Variants in OTUD7B observed in about 807,000 individuals in gnomAD.
The protein encoded by OTUD7B is OTU domain-containing protein 7B.
A neutral mutation model predicts 82.2 loss-of-function variants in OTUD7B; 34 were observed. The observed-to-expected ratio is 0.41, with a 90% confidence interval of 0.31 to 0.55. The LOEUF is 0.55. OTUD7B is among the 20% of genes least tolerant of loss of function. OTUD7B has a pLI of 0.20. For missense variants in OTUD7B, 944 were observed against 1,062.1 expected (o/e 0.89, Z 1.55); for synonymous variants, 398 against 402.7 (o/e 0.99, Z 0.14).
chr1:150,037,174 A>G, the OTUD7B span, among the ~76,000 whole-genome samples: 2 of 152,104 alleles, frequency 1.3e-5, no homozygotes, highest in African/African-American at 2.4e-5. Context: ...CTGAAGATCA[A>G]TTCCTAAGAA....
Position 149,962,114 on chromosome 1 carries a change from CA to C in OTUD7B, c.732+2107del, listed in dbSNP as rs1490810736. The stretch of plus-strand genomic sequence containing the variant: ...TTACTTCAATTAAAAATAAAGAGAG[CA>C]ATGCCCAGGTTCTATATGGAGTGCT... On this transcript the variant is annotated intron_variant, in intron 6 of 11. Coordinates refer to ENST00000581312, the MANE Select transcript of OTUD7B (RefSeq NM_020205.4). The C allele has an allele frequency of 2.6e-5, 4 of 152,256 alleles. No homozygotes were observed. The East Asian group carries it at 7.7e-4, about 29-fold the overall frequency. 9.4% of individuals were successfully genotyped at this position (152,256 alleles called of 1,614,324 possible).
At chr1:150,047,121 T>C in the OTUD7B span, among the ~76,000 whole-genome samples, 1 of 151,960 alleles carries the variant, frequency 6.6e-6, no homozygotes, top group African/African-American at 2.4e-5. Flanking sequence ...CACCAACTAT[T>C]CCCCATTTTC....
chr1:149,960,413 T>TTTTTG (rs1366020859), intron 6 of OTUD7B, among the ~76,000 whole-genome samples: 30,392 of 72,296 alleles, frequency 0.42, 10,411 homozygotes, highest in Non-Finnish European at 0.46. Context: ...TTTTTTTTTG[T>TTTTTG]AGACAGAGTC....
chr1:149,964,576 T>C (rs1553776140), intron 5 of OTUD7B, among the ~76,000 whole-genome samples: 1 of 151,820 alleles, frequency 6.6e-6, no homozygotes, highest in African/African-American at 2.4e-5. Context: ...TTTTTGTTTA[T>C]TTGGTTTTTT....
intron 10 of OTUD7B, among the ~76,000 whole-genome samples, chr1:149,948,342 A>G (rs138581754): frequency 1.7e-3 from 256 of 150,298 alleles, no homozygotes; most frequent in African/African-American, 5.9e-3. Context: ...TTGGGCTAAG[A>G]CATGTGATTT....
rs188326792 is a variant in OTUD7B, at chr1:149,942,395, G to C, written c.*1462C>G. Reference sequence around the variant, plus strand: ...AAGCTCTTAGAAATGGCTCTGGCCAGAGCATAGGCTGTTCAGACTTGTGCT... The same window carrying C: ...AAGCTCTTAGAAATGGCTCTGGCCACAGCATAGGCTGTTCAGACTTGTGCT... On this transcript the variant is annotated 3_prime_UTR_variant, in exon 12 of 12. Coordinates refer to ENST00000581312, the MANE Select transcript of OTUD7B (RefSeq NM_020205.4). The C allele has an allele frequency of 8.5e-5, 13 of 152,728 alleles. No individual in the cohort carries two copies. The highest frequency in any genetic ancestry group is 3.1e-4 in the African/African-American group (13 of 41,566). The allele number at this position is 152,728 out of a possible 1,614,324, so 9.5% of individuals were successfully genotyped here. A position where few individuals can be genotyped will look rare whatever the true frequency, so the allele number is the denominator to read the frequency against.
chr1:150,001,110 T>C (rs1652255222), intron 1 of OTUD7B, among the ~76,000 whole-genome samples: 1 of 152,158 alleles, frequency 6.6e-6, no homozygotes. Flanking sequence ...GAGGAAAGGA[T>C]GCAGGGTGGA....
At chr1:149,956,849 G>A (rs115484931) in intron 7 of OTUD7B, among the ~76,000 whole-genome samples, 2,309 of 146,016 alleles carry the variant, frequency 0.016, 48 homozygotes, top group African/African-American at 0.051. Context: ...TTGTGCACGC[G>A]TCACATAGTT....
At chr1:150,067,522 T>G in the OTUD7B span, 1 of 304,984 alleles carries the variant, frequency 3.3e-6, no homozygotes. Flanking sequence ...TCCACTCTCT[T>G]GGGCTTCAGG....
Position 149,964,208 on chromosome 1 carries a change from C to A in OTUD7B, c.732+14G>T. 6.2e-7 allele frequency: 1 copy of A among 1,610,116 alleles called. No homozygotes were observed. The highest frequency in any genetic ancestry group is 8.5e-7 in the Non-Finnish European group (1 of 1,179,924). The stretch of plus-strand genomic sequence containing the variant: ...ACTTTAGGAAACAAGGCGCTCCCAC[C>A]CACGCTCTCCCACCTCTTTATTCTG... On this transcript the variant is annotated intron_variant, in intron 6 of 11. Coordinates refer to ENST00000581312, the MANE Select transcript of OTUD7B (RefSeq NM_020205.4).
the OTUD7B span, among the ~76,000 whole-genome samples, chr1:150,021,289 A>G: frequency 1.3e-5 from 2 of 152,100 alleles, no homozygotes; most frequent in Admixed American, 1.3e-4. Context: ...GCGGTGAGGA[A>G]GAAGGTAGGC....
chr1:150,032,997 ATTATC>A, the OTUD7B span, among the ~76,000 whole-genome samples: 1 of 152,286 alleles, frequency 6.6e-6, no homozygotes, highest in African/African-American at 2.4e-5. Context: ...GTAACTGCAT[ATTATC>A]TTATTACATG....
At chr1:150,060,844 A>G in the OTUD7B span, among the ~76,000 whole-genome samples, 1 of 152,170 alleles carries the variant, frequency 6.6e-6, no homozygotes, top group East Asian at 1.9e-4. Flanking sequence ...GTGGCATCCC[A>G]CTTGCTCCCA....
rs782573242 is a variant in OTUD7B at position 149,944,236 on chromosome 1, C to A, written c.2153G>T (p.Gly718Val). ...TGGTGGTAGGCCCCCGACACATGGA[C>A]CCCCTGCCAACTGCCTCCGGGGTTC... ...CQEPRRQLAGGPCVGGLPPYA... is the reference protein window; with the variant it reads ...CQEPRRQLAGVPCVGGLPPYA... The change falls in exon 12 of 12, where the codon GGT becomes GTT. Residue 718 changes from glycine (G) to valine (V), a missense_variant. Physicochemically the swap from Gly to Val is moderately radical, Grantham distance 109. Coordinates refer to ENST00000581312, the MANE Select transcript of OTUD7B (RefSeq NM_020205.4). 6.2e-6 allele frequency: 10 copies of A among 1,612,366 alleles called. No individual in the cohort carries two copies. The African/African-American group carries it at 1.1e-4, about 17-fold the overall frequency.
intron 1 of OTUD7B, among the ~76,000 whole-genome samples, chr1:150,008,478 C>T (rs1373330503): frequency 6.6e-6 from 1 of 152,140 alleles, no homozygotes; most frequent in Non-Finnish European, 1.5e-5. Context: ...CACTAAAGGC[C>T]ACCTAATGAT....
Position 149,943,713 on chromosome 1 carries a change from G to T in OTUD7B, c.*144C>A. On this transcript the variant is annotated 3_prime_UTR_variant, in exon 12 of 12. Transcript: ENST00000581312. ...CTCTTGCCAGCCTGGCAGCACTCCT[G>T]TGTGCACACACTTAAAAGTTTCCAG... The T allele has an allele frequency of 2.3e-6, 2 of 863,462 alleles. No individual in the cohort carries two copies. Among genetic ancestry groups the T allele is most frequent in the Non-Finnish European group, 3.7e-6 (2 of 539,886 alleles). 53.5% of individuals were successfully genotyped at this position (863,462 alleles called of 1,614,324 possible).
chr1:149,967,421 C>T lies in OTUD7B; in HGVS notation c.375G>A (p.Glu125=). The change falls in exon 4 of 12, where the codon GAG becomes GAA. Residue 125 remains glutamate, a synonymous_variant. Coordinates refer to ENST00000581312, the MANE Select transcript of OTUD7B (RefSeq NM_020205.4). ...SSNGGGGGSN[E]HPLEMPICAF... is the part of the protein sequence containing the mutation. ...CACAGATGGGCATTTCCAGGGGGTG[C>T]TCATTGCTCCCCCCACCCCCACCAT... The T allele has an allele frequency of 6.2e-7, 1 of 1,614,112 alleles. No homozygotes were observed. Among genetic ancestry groups the T allele is most frequent in the East Asian group, 2.2e-5 (1 of 44,878 alleles).
the OTUD7B span, among the ~76,000 whole-genome samples, chr1:150,059,773 C>A: frequency 2.0e-5 from 3 of 152,040 alleles, no homozygotes; most frequent in Admixed American, 6.5e-5. Context: ...TATGGAGCAG[C>A]CTTGCTCTTC....
intron 1 of OTUD7B, among the ~76,000 whole-genome samples, chr1:150,003,025 C>T (rs1254620865): frequency 2.0e-5 from 3 of 151,810 alleles, no homozygotes; most frequent in South Asian, 4.1e-4. Flanking sequence ...CCGAGGCGGG[C>T]GGATCGCGAG....
Sources: gnomAD v4.1 joint callset for allele counts (sites outside exome capture counted in the v4.1 genomes callset) on GRCh38, gnomAD v4.1.1 for gene constraint, MANE v1.5 for transcripts, NCBI Gene and HGNC (gene_info 2026-07-23, HGNC 2026-07-21) for gene names.